Variants in DUSP8 observed in about 807,000 individuals in gnomAD.
DUSP8 encodes the protein dual specificity protein phosphatase 8.
Under a neutral mutation model 38.7 loss-of-function variants are expected in DUSP8, and 15 were observed. The observed-to-expected ratio is 0.39, with a 90% CI of 0.26 to 0.60. The LOEUF (loss-of-function observed/expected upper bound fraction) is 0.60. Ranked by LOEUF, DUSP8 falls within the 20% of genes least tolerant of loss-of-function variation. The pLI is 0.56. For missense variants in DUSP8, 768 were observed against 915.0 expected (o/e 0.84, Z 2.07); for synonymous variants, 458 against 433.9 (o/e 1.06, Z -0.69).
intron 1 of DUSP8, among the ~76,000 whole-genome samples, chr11:1,570,724 G>A (rs1012611268): frequency 2.0e-5 from 3 of 152,140 alleles, no homozygotes; most frequent in African/African-American, 4.8e-5. Context: ...TCTGCCATCC[G>A]CATCCAGTGC....
chr11:1,556,188 C>T lies in DUSP8; in HGVS notation c.*330G>A, dbSNP rs1848619801. The T allele has an allele frequency of 1.6e-5, 4 of 254,346 alleles. No homozygotes were observed. The Admixed American group carries it at 1.6e-4, about 10-fold the overall frequency. The allele number at this position is 254,346 out of a possible 1,614,324, so 15.8% of individuals were successfully genotyped here. Reference sequence around the variant, plus strand: ...ATGTAAAAAGTGCACGAAAGCTCGGCAGCCTTTGCAAAGGTCAGCAGTGTT... The same window carrying T: ...ATGTAAAAAGTGCACGAAAGCTCGGTAGCCTTTGCAAAGGTCAGCAGTGTT... On this transcript the variant is annotated 3_prime_UTR_variant, in exon 7 of 7. Transcript: ENST00000397374. The surrounding 1 kb of genome is among the most constrained non-coding windows in gnomAD (Gnocchi z 5.2).
rs767524832 is a variant in DUSP8, at chr11:1,558,194, C to G, written c.615G>C (p.Glu205Asp). ...TGATGGGGACCCGCATGAAGCGGCT[C>G]TCGCAGATGAAGTCAGGCTTGGGGC... ...NSCPKPDFIC[E>D]SRFMRVPIND... The change falls in exon 5 of 7, where the codon GAG becomes GAC. Residue 205 changes from glutamate to aspartate, a missense_variant. Around this residue, in one of 3 missense-constraint regions of DUSP8, gnomAD observed 252 missense variants for 410.4 expected, o/e 0.61. Coordinates refer to ENST00000397374, the MANE Select transcript of DUSP8 (RefSeq NM_004420.3). The surrounding 1 kb of genome is among the most constrained non-coding windows in gnomAD (Gnocchi z 6.3). 1.7e-5 allele frequency: 28 copies of G among 1,611,414 alleles called. No homozygotes were observed. In the Admixed American group the frequency reaches 4.7e-4, roughly 27 times the overall value.
intron 2 of DUSP8, among the ~76,000 whole-genome samples, chr11:1,564,552 G>A (rs1353317563): frequency 6.6e-6 from 1 of 152,150 alleles, no homozygotes; most frequent in African/African-American, 2.4e-5. Context: ...TGGAAGCTGG[G>A]TTCCTCCTGC....
rs978610304 is a variant in DUSP8, at chr11:1,555,655, G to A, written c.*863C>T. ...GCAATGGTGCCACCCTGCCCGGCAG[G>A]CAGCTCTGGGGGCATGGGCAAGGGA... On this transcript the variant is annotated 3_prime_UTR_variant, in exon 7 of 7. Coordinates refer to ENST00000397374, the MANE Select transcript of DUSP8 (RefSeq NM_004420.3). The A allele has an allele frequency of 1.2e-5, 2 of 170,902 alleles. No homozygotes were observed. The highest frequency in any genetic ancestry group is 2.3e-5 in the Non-Finnish European group (2 of 85,144). The allele number at this position is 170,902 out of a possible 1,614,324, so 10.6% of individuals were successfully genotyped here.
intron 2 of DUSP8, among the ~76,000 whole-genome samples, chr11:1,564,822 G>A (rs2133443487): frequency 6.6e-6 from 1 of 152,324 alleles, no homozygotes; most frequent in East Asian, 1.9e-4. Flanking sequence ...CCTGGCCAGT[G>A]GCCATCCCAC....
At chr11:1,569,485 A>G (rs1212987344) in intron 1 of DUSP8, among the ~76,000 whole-genome samples, 1 of 152,106 alleles carries the variant, frequency 6.6e-6, no homozygotes, top group African/African-American at 2.4e-5. Context: ...ATATGTGCAC[A>G]CGCGTGGGCT....
chr11:1,568,467 T>C (rs1000592485), intron 1 of DUSP8, among the ~76,000 whole-genome samples: 4 of 152,074 alleles, frequency 2.6e-5, no homozygotes, highest in Non-Finnish European at 5.9e-5. Flanking sequence ...TCACCCACAA[T>C]AGTATTGTTA....
At position 1,559,059 on chromosome 11, in the gene DUSP8, T is replaced by C. The variant is rs994071396; in HGVS notation, c.371-4A>G. 1 of 1,608,626 alleles carries C rather than the reference T, an allele frequency of 6.2e-7. No homozygotes were observed. The highest frequency in any genetic ancestry group is 2.2e-4 in the Middle Eastern group (1 of 4,456). ...GAGGAGAAGGTGGCGAAGCCCCCTGTAGGAGGAGGGCCGTCAAGTGGGTTG... is the reference window on the plus strand; with the variant it reads ...GAGGAGAAGGTGGCGAAGCCCCCTGCAGGAGGAGGGCCGTCAAGTGGGTTG... On this transcript the variant is annotated splice_polypyrimidine_tract_variant and splice_region_variant and intron_variant, in intron 3 of 6. Transcript: ENST00000397374.
chr11:1,556,657 T>C lies in DUSP8; in HGVS notation c.1739A>G (p.Glu580Gly). 1 of 1,394,890 alleles carries C rather than the reference T, an allele frequency of 7.2e-7. No individual in the cohort carries two copies. Among genetic ancestry groups the C allele is most frequent in the Non-Finnish European group, 9.4e-7 (1 of 1,068,918 alleles). The allele number at this position is 1,394,890 out of a possible 1,614,324, so 86.4% of individuals were successfully genotyped here. A position where few individuals can be genotyped will look rare whatever the true frequency, so the allele number is the denominator to read the frequency against. ...RTGWPEEPAP[E>G]TQFKRRSCQM... ...GCAGCTGCGGCGCTTGAACTGCGTC[T>C]CCGGGGCCGGCTCCTCGGGCCAGCC... The change falls in exon 7 of 7, where the codon GAG (glutamate) becomes GGG (glycine). Residue 580 changes from glutamate to glycine, a missense_variant. Glu to Gly is a moderately conservative substitution (Grantham distance 98, BLOSUM62 -2). This residue lies in a region of DUSP8 where 474 missense variants were observed against 430.8 expected (regional missense o/e 1.10). Transcript: ENST00000397374. The surrounding 1 kb of genome is among the most constrained non-coding windows in gnomAD (Gnocchi z 5.2).
intron 1 of DUSP8, among the ~76,000 whole-genome samples, chr11:1,569,983 A>G (rs1281013844): frequency 6.6e-6 from 1 of 152,198 alleles, no homozygotes; most frequent in Non-Finnish European, 1.5e-5. Flanking sequence ...GGGCTCCCCC[A>G]GATGCCCTCA....
Position 1,557,610 on chromosome 11 carries a change from G to T in DUSP8, c.822-36C>A, listed in dbSNP as rs200566171. The T allele has an allele frequency of 6.7e-7, 1 of 1,495,010 alleles. No individual in the cohort carries two copies. 92.6% of individuals were successfully genotyped at this position (1,495,010 alleles called of 1,614,324 possible). On this transcript the variant is annotated intron_variant, in intron 6 of 6. Coordinates refer to ENST00000397374, the MANE Select transcript of DUSP8 (RefSeq NM_004420.3). The surrounding 1 kb of genome is among the most constrained non-coding windows in gnomAD (Gnocchi z 9.9). ...GGAGGCTCAGTCCCAGGCGCCCGCC[G>T]GGGCCAGGCTGCCCACCTGACGCAC...
At chr11:1,569,304 G>A (rs976027516) in intron 1 of DUSP8, among the ~76,000 whole-genome samples, 2 of 152,054 alleles carry the variant, frequency 1.3e-5, no homozygotes, top group Non-Finnish European at 2.9e-5. Context: ...CCTTCCAGGA[G>A]GCACCAGGCC....
chr11:1,559,137 AC>A, intron 3 of DUSP8, 82 bp from the exon 4 acceptor site: 1 of 1,359,878 alleles, frequency 7.4e-7, no homozygotes, highest in South Asian at 1.3e-5. Flanking sequence ...CGCCTAGGGC[AC>A]CCCATCTACT....
At chr11:1,572,455 G>A (rs1467882161), upstream of DUSP8, among the ~76,000 whole-genome samples, 1 of 149,946 alleles carries the variant, frequency 6.7e-6, no homozygotes, top group African/African-American at 2.4e-5. The surrounding 1 kb of genome is among the most constrained non-coding windows in gnomAD (Gnocchi z 4.7). Context: ...TGCAGGGTGC[G>A]GGTGGGTCGC....
Position 1,555,053 on chromosome 11 carries a change from G to A in DUSP8, c.*1465C>T, listed in dbSNP as rs11603496. The A allele has an allele frequency of 0.54, 532,387 of 986,134 alleles. 144,418 individuals are homozygous for A. The highest frequency in any genetic ancestry group is 0.54 in the Non-Finnish European group (451,534 of 830,010). 61.1% of individuals were successfully genotyped at this position (986,134 alleles called of 1,614,324 possible). ...GGCCCTGCTCCAGGACTCAGGACTG[G>A]GTCCTGCCCTGGGCTGCCTCTCCGG... On this transcript the variant is annotated 3_prime_UTR_variant, in exon 7 of 7. Coordinates refer to ENST00000397374, the MANE Select transcript of DUSP8 (RefSeq NM_004420.3).
Position 1,558,772 on chromosome 11 carries a change from G to T in DUSP8, c.537+117C>A. The T allele has an allele frequency of 7.9e-7, 1 of 1,266,174 alleles. No individual in the cohort carries two copies. 78.4% of individuals were successfully genotyped at this position (1,266,174 alleles called of 1,614,324 possible). On this transcript the variant is annotated intron_variant, in intron 4 of 6. Coordinates refer to ENST00000397374, the MANE Select transcript of DUSP8 (RefSeq NM_004420.3). The surrounding 1 kb of genome is among the most constrained non-coding windows in gnomAD (Gnocchi z 6.3). ...CCCACCCATGCTTCTCCCACACCCA[G>T]CTCATCCACTGCCTTCAGCTCCTTT...
At chr11:1,570,129 C>A (rs1477271769) in intron 1 of DUSP8, among the ~76,000 whole-genome samples, 7 of 152,116 alleles carry the variant, frequency 4.6e-5, no homozygotes, top group African/African-American at 1.7e-4. Context: ...ATCCCAGGAA[C>A]GGGGTCCGGG....
Position 1,559,771 on chromosome 11 carries a change from G to C in DUSP8, c.371-716C>G, listed in dbSNP as rs374815598. 5.3e-5 allele frequency among the ~76,000 whole-genome samples: 8 copies of C among 152,180 alleles called. No individual in the cohort carries two copies. The South Asian group carries it at 1.7e-3, about 31-fold the overall frequency. On this transcript the variant is annotated intron_variant, in intron 3 of 6. Coordinates refer to ENST00000397374, the MANE Select transcript of DUSP8 (RefSeq NM_004420.3). ...CAGGCAGTGGGCACCCGCTGCACAC[G>C]TGACCAGCGTGTGCTGCTGCCTTCC...
chr11:1,559,874 G>A (rs915870151), intron 3 of DUSP8, among the ~76,000 whole-genome samples: 1 of 152,206 alleles, frequency 6.6e-6, no homozygotes, highest in Non-Finnish European at 1.5e-5. Context: ...ACCCGAACGT[G>A]AATCCCTGGA....
Sources: gnomAD v4.1 joint callset for allele counts (sites outside exome capture counted in the v4.1 genomes callset) on GRCh38, gnomAD v4.1.1 for gene constraint, gnomAD v4.1.1 regional missense constraint, Gnocchi (gnomAD v3.1) non-coding constraint, MANE v1.5 for transcripts, NCBI Gene and HGNC (gene_info 2026-07-23, HGNC 2026-07-21) for gene names.